Variants in NKAIN3 observed in about 807,000 individuals in gnomAD.
NKAIN3 encodes sodium/potassium-transporting ATPase subunit beta-1-interacting protein 3.
NKAIN3 carries 25 observed loss-of-function variants against 30.2 expected under a neutral mutation model. That is an observed-to-expected ratio of 0.83 (90% confidence interval 0.60 to 1.16). The LOEUF is 1.16. NKAIN3 is among the 50% of genes most tolerant of loss of function. The pLI is 0.00. For missense variants in NKAIN3, 225 were observed against 254.1 expected (o/e 0.89, Z 0.78); for synonymous variants, 91 against 89.6 (o/e 1.02, Z -0.09).
At chr8:62,647,927 T>C (rs1361807090) in intron 3 of NKAIN3, among the ~76,000 whole-genome samples, 3 of 152,224 alleles carry the variant, frequency 2.0e-5, no homozygotes, top group African/African-American at 7.2e-5. Flanking sequence ...GGATTGGTTA[T>C]GGCAGTGGAG....
intron 1 of NKAIN3, among the ~76,000 whole-genome samples, chr8:62,440,583 C>T (rs1440123361): frequency 6.6e-6 from 1 of 152,162 alleles, no homozygotes; most frequent in East Asian, 1.9e-4. Context: ...GTCCCTGCGA[C>T]CTGTGTACAT....
At chr8:62,319,168 T>A (rs1814777933) in intron 1 of NKAIN3, among the ~76,000 whole-genome samples, 1 of 152,214 alleles carries the variant, frequency 6.6e-6, no homozygotes, top group Non-Finnish European at 1.5e-5. Flanking sequence ...TTCTGTGGGA[T>A]CAGTGGTGAT....
intron 5 of NKAIN3, among the ~76,000 whole-genome samples, chr8:62,928,650 C>T (rs769058326): frequency 1.1e-4 from 16 of 152,158 alleles, no homozygotes; most frequent in Non-Finnish European, 2.1e-4. Flanking sequence ...CAGTCCTGGC[C>T]CCCAAATTAC....
intron 4 of NKAIN3, among the ~76,000 whole-genome samples, chr8:62,765,733 T>A (rs1430376976): frequency 1.3e-5 from 2 of 152,186 alleles, no homozygotes; most frequent in East Asian, 1.9e-4. Context: ...CGAGTAAATA[T>A]GTACCAGGTA....
intron 4 of NKAIN3, among the ~76,000 whole-genome samples, chr8:62,793,182 G>C (rs372008600): frequency 6.6e-6 from 1 of 151,822 alleles, no homozygotes; most frequent in African/African-American, 2.4e-5. Flanking sequence ...TCAGGTAGTG[G>C]GTGGTTTTAC....
At chr8:62,813,373 T>G (rs1322231079) in intron 4 of NKAIN3, among the ~76,000 whole-genome samples, 1 of 151,862 alleles carries the variant, frequency 6.6e-6, no homozygotes, top group African/African-American at 2.4e-5. Flanking sequence ...TTTTTATCTC[T>G]GTGAAAAAGT....
chr8:62,286,706 G>T (rs1024436373), intron 1 of NKAIN3, among the ~76,000 whole-genome samples: 1 of 152,066 alleles, frequency 6.6e-6, no homozygotes, highest in Admixed American at 6.6e-5. Context: ...CTGACATGAA[G>T]AGGCAAAGGT....
At chr8:62,778,085 G>T (rs1817242562) in intron 4 of NKAIN3, among the ~76,000 whole-genome samples, 1 of 152,108 alleles carries the variant, frequency 6.6e-6, no homozygotes, top group South Asian at 2.1e-4. Context: ...GCTGCCTGGA[G>T]CTGGGGGAGG....
At chr8:62,770,970 A>G (rs974017183) in intron 4 of NKAIN3, among the ~76,000 whole-genome samples, 2 of 152,160 alleles carry the variant, frequency 1.3e-5, no homozygotes, top group African/African-American at 4.8e-5. Flanking sequence ...CAACGACAAC[A>G]AAAAATGAGA....
Position 62,520,753 on chromosome 8 carries a change from T to C in NKAIN3, c.55-58786T>C, listed in dbSNP as rs1034902842. On this transcript the variant is annotated intron_variant, in intron 1 of 6. Transcript: ENST00000623646. The stretch of plus-strand genomic sequence containing the variant: ...GTATACAGGTGGCTAGTGGCTCCCA[T>C]CTTAGACAGCCAAAGGCCTTTTATT... 2.0e-5 allele frequency among the ~76,000 whole-genome samples: 3 copies of C among 152,182 alleles called. No homozygotes were observed. The Middle Eastern group carries it at 0.01, about 518-fold the overall frequency.
chr8:62,895,886 C>G (rs930868838), intron 4 of NKAIN3, among the ~76,000 whole-genome samples: 1 of 152,138 alleles, frequency 6.6e-6, no homozygotes, highest in Non-Finnish European at 1.5e-5. Flanking sequence ...GTCCTTGCTT[C>G]CAGTTTCCTT....
intron 1 of NKAIN3, among the ~76,000 whole-genome samples, chr8:62,256,135 T>G (rs577416012): frequency 1.3e-3 from 192 of 152,084 alleles, no homozygotes; most frequent in Non-Finnish European, 1.8e-3. Flanking sequence ...GGACGGATAC[T>G]GGGTGTGGTG....
At chr8:62,902,826 C>T (rs1485456416) in intron 4 of NKAIN3, among the ~76,000 whole-genome samples, 1 of 152,168 alleles carries the variant, frequency 6.6e-6, no homozygotes, top group Non-Finnish European at 1.5e-5. Flanking sequence ...AAAAGTCCTA[C>T]ATGAAATGAT....
chr8:62,953,012 A>G (rs762475761), intron 5 of NKAIN3, among the ~76,000 whole-genome samples: 1 of 152,100 alleles, frequency 6.6e-6, no homozygotes, highest in Admixed American at 6.6e-5. Context: ...GTTTTGTCTT[A>G]TGAATTTTTT....
intron 3 of NKAIN3, among the ~76,000 whole-genome samples, chr8:62,613,411 T>A (rs1234078969): frequency 6.6e-6 from 1 of 152,150 alleles, no homozygotes; most frequent in African/African-American, 2.4e-5. Context: ...CTCCTTTGTA[T>A]GTTATTCTTT....
At chr8:62,872,949 C>A (rs543376057) in intron 4 of NKAIN3, among the ~76,000 whole-genome samples, 1 of 152,244 alleles carries the variant, frequency 6.6e-6, no homozygotes, top group South Asian at 2.1e-4. Flanking sequence ...GAAGAAAGTG[C>A]ATCAACTCAT....
chr8:62,444,162 T>C (rs1224222409), intron 1 of NKAIN3, among the ~76,000 whole-genome samples: 1 of 152,152 alleles, frequency 6.6e-6, no homozygotes, highest in Non-Finnish European at 1.5e-5. Flanking sequence ...TTTCATAATT[T>C]ATATAATATA....
At chr8:62,856,169 C>G in intron 4 of NKAIN3, 1 of 749,944 alleles carries the variant, frequency 1.3e-6, no homozygotes. Flanking sequence ...CTTGGTATCA[C>G]TAGGCAGAAG....
At chr8:62,414,530 C>T (rs1804370798) in intron 1 of NKAIN3, among the ~76,000 whole-genome samples, 1 of 152,142 alleles carries the variant, frequency 6.6e-6, no homozygotes. Flanking sequence ...TGCCGAAGAT[C>T]TGATAAGAGG....
Sources: gnomAD v4.1 joint callset for allele counts (sites outside exome capture counted in the v4.1 genomes callset) on GRCh38, gnomAD v4.1.1 for gene constraint, MANE v1.5 for transcripts, NCBI Gene and HGNC (gene_info 2026-07-23, HGNC 2026-07-21) for gene names.